LILRB3: variants seen among roughly 807,000 people sequenced by gnomAD.
The protein encoded by LILRB3 is leukocyte immunoglobulin-like receptor subfamily B member 3.
A neutral mutation model predicts 68.2 loss-of-function variants in LILRB3; 32 were observed. The observed-to-expected ratio is 0.47, with a 90% confidence interval of 0.35 to 0.63. LILRB3 has a LOEUF of 0.63. Ranked by LOEUF, LILRB3 falls within the 30% of genes least tolerant of loss-of-function variation. LILRB3 has a pLI of 0.00. For synonymous variants in LILRB3, 185 were observed against 323.1 expected, an observed-to-expected ratio of 0.57 and a Z score of 4.58; for missense variants, 502 against 791.3, an observed-to-expected ratio of 0.63 and a Z score of 4.39.
Position 54,217,710 on chromosome 19 carries a change from T to G in LILRB3, c.1594-236A>C, listed in dbSNP as rs2077627854. ...CACAGGCCTTCCTGCAAGAGCTCGC[T>G]GCTGCCTGGGGGCCTTTGCACGGCT... On this transcript the variant is annotated intron_variant, in intron 11 of 12. Coordinates refer to ENST00000445347, the Ensembl canonical transcript of LILRB3. The G allele has an allele frequency of 1.7e-5, 13 of 756,356 alleles. 1 individual carries two copies. In the South Asian group the frequency reaches 2.5e-4, roughly 15 times the overall value. The allele number at this position is 756,356 out of a possible 1,614,324, so 46.9% of individuals were successfully genotyped here. A position where few individuals can be genotyped will look rare whatever the true frequency, so the allele number is the denominator to read the frequency against.
At chr19:54,219,765 G>A (rs527871307) in intron 7 of LILRB3, 5 of 1,494,590 alleles carry the variant, frequency 3.3e-6, no homozygotes, top group Non-Finnish European at 3.6e-6. Context: ...GCAGGGGAGG[G>A]GCCTGTCCAC....
rs758645672 is a variant in LILRB3, at chr19:54,218,745, T to C, written c.1502+18A>G. 1.2e-6 allele frequency: 2 copies of C among 1,613,872 alleles called. No individual in the cohort carries two copies. Among genetic ancestry groups the C allele is most frequent in the Non-Finnish European group, 1.7e-6 (2 of 1,179,976 alleles). On this transcript the variant is annotated intron_variant, in intron 9 of 12. Coordinates refer to ENST00000445347, the Ensembl canonical transcript of LILRB3. ...GGCTGTGGTGGGTGGGAGTCTGTGG[T>C]CTTTGGGGCAGAATTACCTCCTCAG... is the stretch of plus-strand genomic sequence containing the variant.
At chr19:54,219,382 A>C in intron 7 of LILRB3, 137 bp from the exon 8 acceptor site, 1 of 1,459,952 alleles carries the variant, frequency 6.8e-7, no homozygotes, top group East Asian at 2.5e-5. Flanking sequence ...CCACCCGTAC[A>C]ACCCATTTCA....
rs115380440 is a variant in LILRB3, at chr19:54,219,878, G to A, written c.1309+277C>T. 3,851 of 1,549,550 alleles carry A rather than the reference G, an allele frequency of 2.5e-3. 73 individuals are homozygous for A. In the African/African-American group the frequency reaches 0.045, roughly 18 times the overall value. ...AGAGCCCCTCACTCACCATTCTGAG[G>A]GCCTGACCCTGGGGGGTTAAGGGGC... On this transcript the variant is annotated intron_variant, in intron 7 of 12. Coordinates refer to ENST00000445347, the Ensembl canonical transcript of LILRB3.
intron 7 of LILRB3, 96 bp from the exon 8 acceptor site, chr19:54,219,341 C>A: frequency 1.4e-6 from 2 of 1,479,866 alleles, no homozygotes; most frequent in Admixed American, 4.1e-5. Flanking sequence ...TGACCTCCAA[C>A]CCTCACAAGC....
At chr19:54,222,892 G>T in intron 1 of LILRB3, 51 bp downstream of exon 1, 1 of 1,612,412 alleles carries the variant, frequency 6.2e-7, no homozygotes, top group Non-Finnish European at 8.5e-7. Flanking sequence ...TGTGTGTGGG[G>T]TGGGGTTCCT....
At chr19:54,218,476 C>T in intron 10 of LILRB3, 63 bp from the exon 11 acceptor site, 1 of 1,609,416 alleles carries the variant, frequency 6.2e-7, no homozygotes, top group Middle Eastern at 1.7e-4. Context: ...CCTGCTGGCC[C>T]CCTGCCCTGC....
At chr19:54,217,134 G>C (rs1324581888) in exon 13 of LILRB3, 2 of 1,614,158 alleles carry the variant, frequency 1.2e-6, no homozygotes, top group Non-Finnish European at 8.5e-7. Flanking sequence ...GGCTCAGCTG[G>C]AGGTTCCCCT....
At chr19:54,216,287 GCTT>G (rs925537607) in exon 13 of LILRB3, 4 of 150,548 alleles carry the variant, frequency 2.7e-5, no homozygotes, top group African/African-American at 9.8e-5. Context: ...ACCTGGTTAT[GCTT>G]CTTTTTTATT....
At chr19:54,222,884 T>G (rs2078346931) in intron 1 of LILRB3, 59 bp downstream of exon 1, 1 of 1,612,460 alleles carries the variant, frequency 6.2e-7, no homozygotes, top group African/African-American at 1.4e-5. Context: ...CCAGGGCTTG[T>G]GTGTGGGGTG....
intron 8 of LILRB3, 128 bp from the exon 9 acceptor site, chr19:54,218,966 G>C: frequency 1.3e-6 from 2 of 1,532,250 alleles, no homozygotes; most frequent in Non-Finnish European, 1.8e-6. Context: ...TTATGAGATA[G>C]AAAAAAACTC....
chr19:54,221,192 G>C, exon 5 of LILRB3: 3 of 1,539,718 alleles, frequency 1.9e-6, no homozygotes, highest in Non-Finnish European at 2.6e-6. Context: ...CAGGGCCCAG[G>C]GTGAAGTTGG....
In LILRB3 at chr19:54,219,295, C is replaced by T. The variant is rs1303506536; in HGVS notation, c.1310-50G>A. Reference sequence around the variant, plus strand: ...GGAATGATGTCATTGATGTGAGCACCTACTGTGTGCAGGCGCGAGCCAGGT... The same window carrying T: ...GGAATGATGTCATTGATGTGAGCACTTACTGTGTGCAGGCGCGAGCCAGGT... On this transcript the variant is annotated intron_variant, in intron 7 of 12. Transcript: ENST00000445347. 6.6e-6 allele frequency: 10 copies of T among 1,515,818 alleles called. No homozygotes were observed. The South Asian group carries it at 9.0e-5, about 14-fold the overall frequency. The allele number at this position is 1,515,818 out of a possible 1,614,324, so 93.9% of individuals were successfully genotyped here. A position where few individuals can be genotyped will look rare whatever the true frequency, so the allele number is the denominator to read the frequency against.
chr19:54,219,058 T>C (rs2077787535), intron 8 of LILRB3, 71 bp downstream of exon 8: 1 of 1,539,582 alleles, frequency 6.5e-7, no homozygotes, highest in Non-Finnish European at 8.7e-7. Context: ...CCCTGTGTGT[T>C]TGGGTTCCCT....
chr19:54,216,886 G>A, exon 13 of LILRB3: 13 of 1,434,250 alleles, frequency 9.1e-6, no homozygotes, highest in Non-Finnish European at 1.2e-5. Flanking sequence ...ATTGATTGTT[G>A]AGAAGTCTGT....
At chr19:54,222,357 A>C (rs2078276936) in exon 3 of LILRB3, 2 of 1,599,588 alleles carry the variant, frequency 1.3e-6, no homozygotes, top group Admixed American at 3.4e-5. Context: ...ATCTCCCTGC[A>C]TGGTGCTGTG....
chr19:54,222,363 C>T (rs1282034551), exon 3 of LILRB3: 1 of 1,601,460 alleles, frequency 6.2e-7, no homozygotes, highest in Admixed American at 1.7e-5. Context: ...CTGCATGGTG[C>T]TGTGTCATGG....
At chr19:54,216,689 G>GTTT in exon 13 of LILRB3, 11 of 835,884 alleles carry the variant, frequency 1.3e-5, no homozygotes, top group South Asian at 4.4e-5. Flanking sequence ...AACATTCACT[G>GTTT]TTTTTTTTTT....
chr19:54,221,539 G>A (rs1336508773), intron 4 of LILRB3, 160 bp from the exon 5 acceptor site: 36 of 1,454,614 alleles, frequency 2.5e-5, no homozygotes, highest in Admixed American at 5.7e-5. Flanking sequence ...TTTCAGAGGA[G>A]TGGGGTCTCC....
Sources: gnomAD v4.1 joint callset for allele counts on GRCh38, gnomAD v4.1.1 for gene constraint, MANE v1.5 for transcripts, NCBI Gene and HGNC (gene_info 2026-07-23, HGNC 2026-07-21) for gene names.